Variants in ZNF728 observed in about 807,000 individuals in gnomAD.
The protein encoded by ZNF728 is zinc finger protein 728.
ZNF728 carries 12 observed loss-of-function variants against 12.5 expected under a neutral mutation model. The ratio of observed to expected loss-of-function variants is 0.96; its 90% CI spans 0.61 to 1.55. The LOEUF (loss-of-function observed/expected upper bound fraction) is 1.55, where lower values mean the gene tolerates loss of function less well. ZNF728 is among the 40% of genes most tolerant of loss of function. The pLI is 0.00. For synonymous variants in ZNF728, 205 were observed against 240.7 expected (o/e 0.85, Z 1.37); for missense variants, 692 against 719.2 (o/e 0.96, Z 0.43).
At chr19:22,988,175 A>C in intron 2 of ZNF728, 150 bp downstream of exon 2, 1 of 1,412,428 alleles carries the variant, frequency 7.1e-7, no homozygotes, top group Middle Eastern at 1.9e-4. Context: ...GTTCACTAGA[A>C]GCAAAGAGCC....
intron 3 of ZNF728, among the ~76,000 whole-genome samples, chr19:22,978,405 A>AT (rs1312474828): frequency 3.3e-5 from 5 of 152,222 alleles, no homozygotes; most frequent in African/African-American, 1.2e-4. Flanking sequence ...CACAAAAAGT[A>AT]TATCGGCACT....
chr19:22,977,001 C>T lies in ZNF728; in HGVS notation c.336G>A (p.Gln112=). Residue 112 remains glutamine (Q), a synonymous_variant, in exon 4 of 4, where the codon CAG becomes CAA. Coordinates refer to ENST00000594710, the MANE Select transcript of ZNF728 (RefSeq NM_001267716.2). The part of the protein sequence containing the change: ...RYEKCGHENL[Q]LKIGCTNVDE... ...CCACATTGGTACAACCAATTTTTAA[C>T]TGTAAATTCTCATGTCCACATTTTT... The T allele has an allele frequency of 1.9e-6, 3 of 1,613,464 alleles. No individual in the cohort carries two copies. In the South Asian group the frequency reaches 3.3e-5, roughly 18 times the overall value.
intron 1 of ZNF728, among the ~76,000 whole-genome samples, chr19:22,998,869 A>C (rs1969077293): frequency 6.6e-6 from 1 of 152,192 alleles, no homozygotes; most frequent in Admixed American, 6.5e-5. Context: ...TACTTACCTA[A>C]TACACAGCCA....
At chr19:22,992,525 G>A (rs1465027335) in intron 1 of ZNF728, among the ~76,000 whole-genome samples, 1 of 151,510 alleles carries the variant, frequency 6.6e-6, no homozygotes, top group Non-Finnish European at 1.5e-5. Context: ...TTACAGGTAT[G>A]AGTCACTGCA....
At chr19:22,995,218 T>C (rs1179284042) in intron 1 of ZNF728, 4 of 152,140 alleles carry the variant, frequency 2.6e-5, no homozygotes, top group South Asian at 2.1e-4. Context: ...AGACACACAA[T>C]GCATTTGAGA....
chr19:22,981,225 A>T lies in ZNF728; in HGVS notation c.227-4115T>A, dbSNP rs756784215. Among the ~76,000 whole-genome samples the T allele has an allele frequency of 4.0e-4, 61 of 152,332 alleles. 1 individual carries two copies. The highest frequency in any genetic ancestry group is 3.4e-3 in the Middle Eastern group (1 of 294). ...CAGCACTGATTCCACAGAAATACAA[A>T]CTACCATCAGAGAATACTATAAACA... On this transcript the variant is annotated intron_variant, in intron 3 of 3. Transcript: ENST00000594710.
chr19:22,988,959 G>A (rs1002934987), intron 1 of ZNF728, among the ~76,000 whole-genome samples: 2 of 149,382 alleles, frequency 1.3e-5, no homozygotes, highest in African/African-American at 4.9e-5. Context: ...GCTGAGGCAG[G>A]AGAATCGCTT....
Position 22,975,808 on chromosome 19 carries a change from C to T in ZNF728, c.1529G>A (p.Cys510Tyr). The stretch of plus-strand genomic sequence containing the variant: ...ACTGAAGGCTTTGCCACATTCTTCA[C>T]ATTTGTAGGGTTTCTCTCCAGTATG... Reference protein sequence around the residue: ...RIHTGEKPYKCEECGKAFSKV... With the variant: ...RIHTGEKPYKYEECGKAFSKV... The change falls in exon 4 of 4, where the codon TGT (cysteine) becomes TAT (tyrosine). Residue 510 changes from cysteine (C) to tyrosine (Y), a missense_variant. By Grantham distance (194) the Cys-to-Tyr change is radical (BLOSUM62 -2). This residue lies in a region of ZNF728 where 244 missense variants were observed against 235.2 expected (regional missense o/e 1.04). Transcript: ENST00000594710. The T allele has an allele frequency of 6.2e-7, 1 of 1,612,408 alleles. No homozygotes were observed. Among genetic ancestry groups the T allele is most frequent in the Non-Finnish European group, 8.5e-7 (1 of 1,179,546 alleles).
At chr19:22,988,980 G>A (rs1487036360) in intron 1 of ZNF728, among the ~76,000 whole-genome samples, 3 of 149,314 alleles carry the variant, frequency 2.0e-5, no homozygotes, top group African/African-American at 7.5e-5. Flanking sequence ...GAACCCAGGA[G>A]GCGGACGTTG....
At chr19:22,994,090 G>GA (rs1969023027) in intron 1 of ZNF728, among the ~76,000 whole-genome samples, 1 of 152,082 alleles carries the variant, frequency 6.6e-6, no homozygotes, top group Non-Finnish European at 1.5e-5. Context: ...TGGGCCCCAT[G>GA]GTCACTGAAT....
chr19:22,987,481 G>C, intron 2 of ZNF728, 78 bp from the exon 3 acceptor site: 1 of 1,285,892 alleles, frequency 7.8e-7, no homozygotes, highest in Non-Finnish European at 1.0e-6. Context: ...TCAGTAAAGA[G>C]GATGTGATAG....
intron 3 of ZNF728, among the ~76,000 whole-genome samples, chr19:22,980,738 C>A (rs1366375728): frequency 6.6e-6 from 1 of 152,162 alleles, no homozygotes; most frequent in African/African-American, 2.4e-5. Flanking sequence ...CAAAACCACA[C>A]AACATGGAAA....
chr19:22,999,302 T>C (rs420663), intron 1 of ZNF728, among the ~76,000 whole-genome samples: 64,270 of 151,862 alleles, frequency 0.42, 16,682 homozygotes, highest in African/African-American at 0.75. Flanking sequence ...TATTTTAAAA[T>C]CTCTCAAAAC....
intron 3 of ZNF728, among the ~76,000 whole-genome samples, chr19:22,986,886 G>C (rs1968922332): frequency 6.6e-6 from 1 of 151,854 alleles, no homozygotes; most frequent in Admixed American, 6.6e-5. Context: ...ACAGAAAAAT[G>C]AACAAAAAAC....
chr19:22,995,859 T>C (rs1969044442), intron 1 of ZNF728: 1 of 152,244 alleles, frequency 6.6e-6, no homozygotes, highest in Admixed American at 6.5e-5. Flanking sequence ...TTATAAAAAA[T>C]TGAAATCTGT....
At position 22,976,010 on chromosome 19, in the gene ZNF728, T is replaced by C. The variant is rs764708465; in HGVS notation, c.1327A>G (p.Lys443Glu). Residue 443 changes from lysine (K) to glutamate (E), a missense_variant, in exon 4 of 4, where the codon AAA (lysine) becomes GAA (glutamate). Physicochemically the swap from Lys to Glu is moderately conservative, Grantham distance 56 (BLOSUM62 1). Coordinates refer to ENST00000594710, the MANE Select transcript of ZNF728 (RefSeq NM_001267716.2). ...FTTFSSLTKH[K>E]VIHTGEKHYK... ...TGTTTCTCTCCAGTATGAATTACTT[T>C]ATGTTTAGTAAGGCTCGAAAATGTA... The C allele has an allele frequency of 2.5e-6, 4 of 1,590,570 alleles. No homozygotes were observed. Among genetic ancestry groups the C allele is most frequent in the South Asian group, 1.1e-5 (1 of 88,476 alleles).
intron 1 of ZNF728, among the ~76,000 whole-genome samples, chr19:22,993,649 C>G (rs934977031): frequency 6.6e-6 from 1 of 151,852 alleles, no homozygotes; most frequent in Non-Finnish European, 1.5e-5. Context: ...AAATTGGTTG[C>G]GAGAAATTCT....
intron 3 of ZNF728, among the ~76,000 whole-genome samples, chr19:22,979,735 C>T (rs1968842148): frequency 6.6e-6 from 1 of 152,132 alleles, no homozygotes; most frequent in Non-Finnish European, 1.5e-5. Flanking sequence ...GGAATTTCAA[C>T]CCAGAATTTA....
chr19:22,977,555 A>G (rs754154620), intron 3 of ZNF728, among the ~76,000 whole-genome samples: 1 of 152,192 alleles, frequency 6.6e-6, no homozygotes, highest in Non-Finnish European at 1.5e-5. Context: ...GTGCTGAAAG[A>G]TATGGTGGTA....
Sources: gnomAD v4.1 joint callset for allele counts (sites outside exome capture counted in the v4.1 genomes callset) on GRCh38, gnomAD v4.1.1 for gene constraint, gnomAD v4.1.1 regional missense constraint, MANE v1.5 for transcripts, NCBI Gene and HGNC (gene_info 2026-07-23, HGNC 2026-07-21) for gene names.